Variants in PALD1 observed in about 807,000 individuals in gnomAD.
The protein encoded by PALD1 is phosphatase domain containing paladin 1.
Under a neutral mutation model 96.0 loss-of-function variants are expected in PALD1, and 57 were observed. The ratio of observed to expected loss-of-function variants is 0.59; its 90% CI spans 0.48 to 0.74. PALD1 has a LOEUF of 0.74. PALD1 is among the 30% of genes least tolerant of loss of function. The pLI is 0.00. For synonymous variants in PALD1, 464 were observed against 473.6 expected (o/e 0.98, Z 0.26); for missense variants, 1,063 against 1,143.7 (o/e 0.93, Z 1.02).
chr10:70,559,128 T>TC (rs926457155), intron 18 of PALD1, among the ~76,000 whole-genome samples: 5 of 152,256 alleles, frequency 3.3e-5, no homozygotes, highest in Admixed American at 1.3e-4. Flanking sequence ...TAATTAGGAC[T>TC]CCACAGTTAT....
chr10:70,544,939 G>A (rs538941340), intron 17 of PALD1, among the ~76,000 whole-genome samples: 2 of 152,346 alleles, frequency 1.3e-5, no homozygotes, highest in Admixed American at 6.5e-5. Context: ...TCTGAGAAAC[G>A]CAGGAGTTGG....
At chr10:70,529,392 TTCCC>T in intron 3 of PALD1, 61 bp downstream of exon 3, 1 of 757,586 alleles carries the variant, frequency 1.3e-6, no homozygotes, top group Non-Finnish European at 2.3e-6. Flanking sequence ...CTCTCATGAA[TTCCC>T]TCCCTCACCT....
chr10:70,541,552 G>C lies in PALD1; in HGVS notation c.2121+18G>C, dbSNP rs758077242. 1.9e-6 allele frequency: 3 copies of C among 1,596,264 alleles called. No individual in the cohort carries two copies. The highest frequency in any genetic ancestry group is 2.6e-6 in the Non-Finnish European group (3 of 1,166,240). On this transcript the variant is annotated intron_variant, in intron 17 of 19. Coordinates refer to ENST00000263563, the MANE Select transcript of PALD1 (RefSeq NM_014431.3). Reference sequence around the variant, plus strand: ...AATTTCAGGTGAGCATGCCCTGCGGGGTCCCTGAGGCACCTTGGGATGGGA... The same window carrying C: ...AATTTCAGGTGAGCATGCCCTGCGGCGTCCCTGAGGCACCTTGGGATGGGA...
At chr10:70,544,639 G>A (rs1404606764) in intron 17 of PALD1, among the ~76,000 whole-genome samples, 1 of 152,080 alleles carries the variant, frequency 6.6e-6, no homozygotes, top group Non-Finnish European at 1.5e-5. Flanking sequence ...GACAGCTGTC[G>A]ATGTGGAATT....
chr10:70,537,822 C>G lies in PALD1; in HGVS notation c.1239C>G (p.Ser413Arg). Reference protein sequence around the residue: ...RPESPAQGSGSRHSVWQRALW... With the variant: ...RPESPAQGSGRRHSVWQRALW... Reference sequence around the variant, plus strand: ...GTCCTCTCTCTCAGGGAAGCGGCAGCCGACACAGCGTCTGGCAGAGGGCGC... The same window carrying G: ...GTCCTCTCTCTCAGGGAAGCGGCAGGCGACACAGCGTCTGGCAGAGGGCGC... The change falls in exon 11 of 20, where the codon AGC becomes AGG. Residue 413 changes from serine to arginine, a missense_variant. By Grantham distance (110) the Ser-to-Arg change is moderately radical (BLOSUM62 -1). Coordinates refer to ENST00000263563, the MANE Select transcript of PALD1 (RefSeq NM_014431.3). 1.2e-6 allele frequency: 2 copies of G among 1,612,624 alleles called. No individual in the cohort carries two copies. Among genetic ancestry groups the G allele is most frequent in the South Asian group, 1.1e-5 (1 of 91,022 alleles).
At chr10:70,512,910 C>A (rs941554912) in intron 1 of PALD1, among the ~76,000 whole-genome samples, 2 of 152,140 alleles carry the variant, frequency 1.3e-5, no homozygotes, top group Admixed American at 6.5e-5. Flanking sequence ...AGCCGGAGAT[C>A]TAGATTTTTA....
intron 1 of PALD1, among the ~76,000 whole-genome samples, chr10:70,503,288 C>T (rs1846330661): frequency 6.6e-6 from 1 of 152,146 alleles, no homozygotes; most frequent in African/African-American, 2.4e-5. Context: ...GTCTGTTTTA[C>T]TTTCAAAATG....
At chr10:70,526,502 A>G (rs890197863) in intron 2 of PALD1, among the ~76,000 whole-genome samples, 17 of 152,378 alleles carry the variant, frequency 1.1e-4, no homozygotes, top group African/African-American at 4.1e-4. Context: ...ACAGACAGTA[A>G]TTATGGCTCA....
chr10:70,561,045 C>T (rs1386893991), intron 18 of PALD1, among the ~76,000 whole-genome samples: 4 of 152,122 alleles, frequency 2.6e-5, no homozygotes, highest in African/African-American at 9.7e-5. Context: ...CTTCTGGGGG[C>T]GGGGGTCAGG....
upstream of PALD1, among the ~76,000 whole-genome samples, chr10:70,473,899 C>G (rs919876273): frequency 7.9e-5 from 12 of 151,972 alleles, no homozygotes; most frequent in South Asian, 2.1e-4. Context: ...CCACCCCCCC[C>G]CCCTCAGCCT....
chr10:70,538,201 C>T, intron 11 of PALD1, 79 bp from the exon 12 acceptor site: 3 of 1,492,476 alleles, frequency 2.0e-6, no homozygotes, highest in South Asian at 1.1e-5. Context: ...TTGGGGCTTC[C>T]CCTGCCATGG....
At chr10:70,500,643 C>T (rs552479873) in intron 1 of PALD1, among the ~76,000 whole-genome samples, 142 of 152,252 alleles carry the variant, frequency 9.3e-4, no homozygotes, top group African/African-American at 2.3e-3. Context: ...TAACGTCTTC[C>T]GCCACTGTGC....
intron 1 of PALD1, among the ~76,000 whole-genome samples, chr10:70,509,735 G>A (rs1280091539): frequency 6.6e-6 from 1 of 152,222 alleles, no homozygotes; most frequent in African/African-American, 2.4e-5. Context: ...AGGACCTTGA[G>A]GGCCTTGAGC....
the PALD1 span, among the ~76,000 whole-genome samples, chr10:70,471,447 A>G: frequency 7.2e-5 from 11 of 152,222 alleles, no homozygotes; most frequent in Non-Finnish European, 1.3e-4. Flanking sequence ...TGTCATGGTC[A>G]ACACCACTGT....
chr10:70,459,499 G>T, the PALD1 span, among the ~76,000 whole-genome samples: 1 of 152,144 alleles, frequency 6.6e-6, no homozygotes, highest in Admixed American at 6.6e-5. Flanking sequence ...GCACTGCCTC[G>T]GATGGGTGGG....
chr10:70,521,782 C>T (rs1362734399), intron 1 of PALD1, among the ~76,000 whole-genome samples: 1 of 151,972 alleles, frequency 6.6e-6, no homozygotes, highest in Non-Finnish European at 1.5e-5. Context: ...GATCTGCCCG[C>T]TTTGGCCTTC....
At chr10:70,498,298 T>C (rs565295437) in intron 1 of PALD1, among the ~76,000 whole-genome samples, 1 of 152,300 alleles carries the variant, frequency 6.6e-6, no homozygotes, top group African/African-American at 2.4e-5. Flanking sequence ...TCTTTAGAGA[T>C]GGGGTCTTGC....
chr10:70,491,287 G>A (rs893177596), intron 1 of PALD1, among the ~76,000 whole-genome samples: 1 of 152,172 alleles, frequency 6.6e-6, no homozygotes, highest in Non-Finnish European at 1.5e-5. Flanking sequence ...GCACAGAGAT[G>A]GGCTTTACTC....
chr10:70,548,441 C>T (rs1847411542), intron 18 of PALD1, among the ~76,000 whole-genome samples: 1 of 152,240 alleles, frequency 6.6e-6, no homozygotes, highest in Non-Finnish European at 1.5e-5. Flanking sequence ...GGACCAGTCC[C>T]ATGACCACAG....
Sources: gnomAD v4.1 joint callset for allele counts (sites outside exome capture counted in the v4.1 genomes callset) on GRCh38, gnomAD v4.1.1 for gene constraint, MANE v1.5 for transcripts, NCBI Gene and HGNC (gene_info 2026-07-23, HGNC 2026-07-21) for gene names.